MAST4: variants seen among roughly 807,000 people sequenced by gnomAD.
MAST4 encodes the protein microtubule-associated serine/threonine-protein kinase 4.
In MAST4, 89 loss-of-function variants were observed where a neutral mutation model predicts 162.7. The ratio of observed to expected loss-of-function variants is 0.55; its 90% CI spans 0.46 to 0.65. The LOEUF is 0.65. Ranked by LOEUF, MAST4 falls within the 30% of genes least tolerant of loss-of-function variation. MAST4 has a pLI of 0.00. For synonymous variants in MAST4, 1,479 were observed against 1,361.1 expected, an observed-to-expected ratio of 1.09 and a Z score of -1.91; for missense variants, 3,153 against 3,374.0, an observed-to-expected ratio of 0.93 and a Z score of 1.62.
At chr5:67,137,954 A>G (rs141492337) in intron 19 of MAST4, among the ~76,000 whole-genome samples, 12 of 152,322 alleles carry the variant, frequency 7.9e-5, no homozygotes, top group African/African-American at 2.4e-4. Context: ...GGGCTTGACT[A>G]GACAACTTCT....
At chr5:66,747,733 C>G (rs983307136) in intron 1 of MAST4, among the ~76,000 whole-genome samples, 6 of 151,994 alleles carry the variant, frequency 3.9e-5, no homozygotes, top group Admixed American at 2.6e-4. Context: ...GGCGGGGGTT[C>G]TCAATAATGG....
intron 4 of MAST4, among the ~76,000 whole-genome samples, chr5:67,034,893 T>TACAG (rs1389720696): frequency 5.3e-5 from 8 of 152,276 alleles, no homozygotes; most frequent in African/African-American, 1.9e-4. Context: ...TCTTCATTGA[T>TACAG]GAGTGCACCC....
intron 4 of MAST4, among the ~76,000 whole-genome samples, chr5:67,052,474 A>G (rs1253280182): frequency 6.6e-6 from 1 of 152,044 alleles, no homozygotes; most frequent in Non-Finnish European, 1.5e-5. Context: ...AAAAAATCTA[A>G]ATTGTTCATT....
intron 4 of MAST4, among the ~76,000 whole-genome samples, chr5:66,920,140 C>A (rs1764435955): frequency 6.6e-6 from 1 of 152,112 alleles, no homozygotes; most frequent in Non-Finnish European, 1.5e-5. Flanking sequence ...AGTTGAACCT[C>A]TCAAAAGCCA....
intron 1 of MAST4, among the ~76,000 whole-genome samples, chr5:66,717,811 A>AT (rs1189610581): frequency 5.3e-5 from 8 of 152,158 alleles, no homozygotes; most frequent in African/African-American, 1.7e-4. Context: ...TTTCCAGATG[A>AT]TTATCTCTTC....
chr5:66,927,262 A>G (rs35934964), intron 4 of MAST4, among the ~76,000 whole-genome samples: 1,929 of 152,288 alleles, frequency 0.013, 30 homozygotes, highest in South Asian at 0.053. Context: ...GAGATATTTG[A>G]CCTTGTTGAA....
intron 1 of MAST4, among the ~76,000 whole-genome samples, chr5:66,639,995 A>G (rs1282848846): frequency 6.6e-6 from 1 of 152,204 alleles, no homozygotes; most frequent in East Asian, 1.9e-4. Context: ...TATATAATAC[A>G]ATATGATTAT....
chr5:66,676,557 T>C (rs1747960230), intron 1 of MAST4, among the ~76,000 whole-genome samples: 1 of 152,184 alleles, frequency 6.6e-6, no homozygotes. Flanking sequence ...GAATTCATCA[T>C]AAAGCTGGAA....
chr5:66,613,792 C>A (rs1197533207), intron 1 of MAST4, among the ~76,000 whole-genome samples: 1 of 152,174 alleles, frequency 6.6e-6, no homozygotes. Context: ...AGTTAAGCTA[C>A]TGAGGAAAAA....
intron 1 of MAST4, among the ~76,000 whole-genome samples, chr5:66,616,086 T>C (rs1195578318): frequency 6.6e-6 from 1 of 152,222 alleles, no homozygotes; most frequent in Non-Finnish European, 1.5e-5. Context: ...AATAAATCTT[T>C]GTTGAACAAA....
intron 5 of MAST4, among the ~76,000 whole-genome samples, chr5:67,065,350 C>T (rs1760105828): frequency 6.6e-6 from 1 of 152,208 alleles, no homozygotes; most frequent in Non-Finnish European, 1.5e-5. Flanking sequence ...TCCTAGCTCA[C>T]TCGTCAGCAG....
At chr5:67,078,170 G>A (rs908909813) in intron 5 of MAST4, among the ~76,000 whole-genome samples, 7 of 151,946 alleles carry the variant, frequency 4.6e-5, no homozygotes, top group Admixed American at 2.6e-4. Flanking sequence ...ATTGAAGAAG[G>A]CCTTTCCAAA....
chr5:66,806,272 T>TG (rs1176748381), intron 3 of MAST4, among the ~76,000 whole-genome samples: 1 of 152,248 alleles, frequency 6.6e-6, no homozygotes, highest in African/African-American at 2.4e-5. Flanking sequence ...GGGAGAGGCT[T>TG]GGGCAGGATT....
At chr5:66,630,904 T>C (rs895719804) in intron 1 of MAST4, among the ~76,000 whole-genome samples, 8 of 152,224 alleles carry the variant, frequency 5.3e-5, no homozygotes, top group African/African-American at 1.9e-4. Context: ...CATAAAGGTG[T>C]TGCATTCAGG....
At chr5:67,064,796 A>G (rs1354744662) in intron 5 of MAST4, among the ~76,000 whole-genome samples, 1 of 152,168 alleles carries the variant, frequency 6.6e-6, no homozygotes, top group African/African-American at 2.4e-5. Flanking sequence ...GACATTGGGA[A>G]TTCTTGAGGT....
intron 14 of MAST4, among the ~76,000 whole-genome samples, chr5:67,125,641 CCAGTCTAT>C (rs1446830846): frequency 6.6e-6 from 1 of 152,130 alleles, no homozygotes; most frequent in Non-Finnish European, 1.5e-5. Flanking sequence ...TTTTCCTTAT[CCAGTCTAT>C]CATTGATGGG....
intron 26 of MAST4, among the ~76,000 whole-genome samples, chr5:67,154,993 A>ATTT (rs1193782461): frequency 1.3e-5 from 2 of 152,192 alleles, no homozygotes; most frequent in African/African-American, 4.8e-5. Flanking sequence ...CTGTTTACAC[A>ATTT]GTGTTTTATA....
chr5:66,842,188 C>CTT (rs1758474291), intron 3 of MAST4, among the ~76,000 whole-genome samples: 1 of 152,096 alleles, frequency 6.6e-6, no homozygotes, highest in South Asian at 2.1e-4. Flanking sequence ...CCAGTAAAGG[C>CTT]TTTTGATTGC....
At chr5:67,112,180 A>G (rs768835600) in intron 11 of MAST4, among the ~76,000 whole-genome samples, 27 of 152,304 alleles carry the variant, frequency 1.8e-4, no homozygotes, top group Non-Finnish European at 3.1e-4. Context: ...TCTGAAATTA[A>G]TAACTGGGCT....
Sources: allele counts gnomAD v4.1 joint callset (sites outside exome capture counted in the v4.1 genomes callset), GRCh38; gene constraint gnomAD v4.1.1; transcripts MANE v1.5; gene names NCBI Gene and HGNC (gene_info 2026-07-23, HGNC 2026-07-21).